The following DLC1 variants were observed in gnomAD, a reference collection of about 807,000 sequenced individuals.
DLC1 encodes DLC1 Rho GTPase activating protein.
In DLC1, 54 loss-of-function variants were observed where a neutral mutation model predicts 140.3. The observed-to-expected ratio is 0.38, with a 90% confidence interval of 0.31 to 0.48. The LOEUF is 0.48. Ranked by LOEUF, DLC1 falls within the 20% of genes least tolerant of loss-of-function variation. The pLI is 0.96. For synonymous variants in DLC1, 986 were observed against 728.1 expected (o/e 1.35, Z -5.70); for missense variants, 2,536 against 1,907.0 (o/e 1.33, Z -6.14).
chr8:13,424,889 T>C (rs892506223), intron 2 of DLC1, among the ~76,000 whole-genome samples: 2 of 152,180 alleles, frequency 1.3e-5, no homozygotes, highest in African/African-American at 4.8e-5. Context: ...TGAAGCTACT[T>C]TGAGTATTTA....
chr8:13,531,852 G>GCTTA (rs1373751998), intron 1 of DLC1, among the ~76,000 whole-genome samples: 1 of 151,994 alleles, frequency 6.6e-6, no homozygotes, highest in African/African-American at 2.4e-5. Flanking sequence ...TTTTGGAAAG[G>GCTTA]CTTACCATAT....
chr8:13,332,333 A>G (rs1833624518), intron 4 of DLC1, among the ~76,000 whole-genome samples: 1 of 152,194 alleles, frequency 6.6e-6, no homozygotes, highest in African/African-American at 2.4e-5. Flanking sequence ...CCTGGTTTCA[A>G]GAAGTATACC....
intron 1 of DLC1, chr8:13,567,672 C>T (rs1014901100): frequency 6.4e-7 from 1 of 1,551,874 alleles, no homozygotes; most frequent in Non-Finnish European, 8.7e-7. Flanking sequence ...CATTTCTACT[C>T]CAAGAGAGAA....
intron 4 of DLC1, among the ~76,000 whole-genome samples, chr8:13,359,370 A>G (rs1198531876): frequency 1.3e-5 from 2 of 152,192 alleles, no homozygotes; most frequent in Admixed American, 6.5e-5. Context: ...CGCTCAGGTA[A>G]TGCTATACAA....
At chr8:13,132,205 C>CTG (rs147699066) in intron 5 of DLC1, among the ~76,000 whole-genome samples, 20,258 of 139,042 alleles carry the variant, frequency 0.15, 1,562 homozygotes, top group African/African-American at 0.18. Flanking sequence ...AAAACCAAAA[C>CTG]TGTGTGTGTG....
At chr8:13,381,185 C>T (rs917353871) in intron 4 of DLC1, among the ~76,000 whole-genome samples, 5 of 152,102 alleles carry the variant, frequency 3.3e-5, no homozygotes, top group African/African-American at 1.2e-4. Flanking sequence ...ACTGGCAGTG[C>T]TTGTGTTTCT....
intron 1 of DLC1, among the ~76,000 whole-genome samples, chr8:13,577,063 G>A (rs113558766): frequency 6.6e-5 from 10 of 152,228 alleles, no homozygotes; most frequent in East Asian, 1.9e-4. Flanking sequence ...CAGGTGGGAC[G>A]ATGGCGTTAA....
intron 2 of DLC1, among the ~76,000 whole-genome samples, chr8:13,470,963 C>T (rs1800179023): frequency 6.6e-6 from 1 of 151,974 alleles, no homozygotes; most frequent in South Asian, 2.1e-4. Context: ...ATTATTTAGC[C>T]AAAAATAGAA....
chr8:13,383,075 C>G (rs146143206), intron 4 of DLC1, among the ~76,000 whole-genome samples: 271 of 152,264 alleles, frequency 1.8e-3, no homozygotes, highest in African/African-American at 5.8e-3. Flanking sequence ...GTATCACAGT[C>G]AGAAAACAAG....
chr8:13,355,111 C>A (rs541226763), intron 4 of DLC1, among the ~76,000 whole-genome samples: 1 of 46,704 alleles, frequency 2.1e-5, no homozygotes, highest in Non-Finnish European at 5.0e-5. Flanking sequence ...ACAATATATA[C>A]CATAAAGAAT....
At chr8:13,208,745 GACACACAC>G (rs56989279) in intron 5 of DLC1, among the ~76,000 whole-genome samples, 5,519 of 147,866 alleles carry the variant, frequency 0.037, 327 homozygotes, top group African/African-American at 0.13. Flanking sequence ...CATACACACA[GACACACAC>G]ACACACACAC....
chr8:13,217,744 A>G (rs956195957), intron 5 of DLC1, among the ~76,000 whole-genome samples: 25 of 151,938 alleles, frequency 1.6e-4, no homozygotes, highest in Non-Finnish European at 5.9e-5. Context: ...AGGCTGAGGC[A>G]GGAGAATTGC....
intron 1 of DLC1, chr8:13,567,238 T>A (rs1452945561): frequency 6.4e-7 from 1 of 1,551,472 alleles, no homozygotes; most frequent in East Asian, 2.4e-5. Flanking sequence ...TGAAAAGAAG[T>A]TGAGTAAAAA....
chr8:13,190,681 A>T (rs1223549120), intron 5 of DLC1, among the ~76,000 whole-genome samples: 2 of 152,160 alleles, frequency 1.3e-5, no homozygotes, highest in African/African-American at 4.8e-5. Flanking sequence ...GCAGATCAGA[A>T]GCTGTGGGCT....
At chr8:13,400,279 G>A (rs894552310) in intron 3 of DLC1, among the ~76,000 whole-genome samples, 2 of 152,106 alleles carry the variant, frequency 1.3e-5, no homozygotes, top group African/African-American at 2.4e-5. Flanking sequence ...CTCTGTGCTT[G>A]ATCCGTGCGG....
intron 4 of DLC1, among the ~76,000 whole-genome samples, chr8:13,307,065 C>CAG (rs1832467818): frequency 1.9e-5 from 2 of 105,228 alleles, no homozygotes; most frequent in Non-Finnish European, 3.4e-5. Context: ...TCCAGGGTGA[C>CAG]AGAGAGAGAC....
chr8:13,200,596 T>C (rs983244729), intron 5 of DLC1, among the ~76,000 whole-genome samples: 44 of 152,046 alleles, frequency 2.9e-4, no homozygotes, highest in Non-Finnish European at 2.9e-5. Context: ...TTGTTGTTGT[T>C]GTTGTGTGTG....
At chr8:13,401,227 C>A (rs1221410149) in intron 3 of DLC1, among the ~76,000 whole-genome samples, 2 of 152,178 alleles carry the variant, frequency 1.3e-5, no homozygotes, top group African/African-American at 4.8e-5. Flanking sequence ...AGGTGACTTT[C>A]CTTCCTGTTT....
In DLC1 at chr8:13,600,618, A is replaced by T. The variant is rs147967353; in HGVS notation, c.-126+3919T>A. Among the ~76,000 whole-genome samples, 773 of 151,918 alleles carry T rather than the reference A, an allele frequency of 5.1e-3. 9 individuals carry two copies. The highest frequency in any genetic ancestry group is 0.017 in the African/African-American group (696 of 41,504). On this transcript the variant is annotated intron_variant, in intron 1 of 1. Coordinates refer to the DLC1 transcript ENST00000631382. ...TGGCAATGTAAAAATAGATCATTGC[A>T]CTCCTGTACATGACTATTTTCTCTC...
Sources: gnomAD v4.1 joint callset for allele counts (sites outside exome capture counted in the v4.1 genomes callset) on GRCh38, gnomAD v4.1.1 for gene constraint, MANE v1.5 for transcripts, NCBI Gene and HGNC (gene_info 2026-07-23, HGNC 2026-07-21) for gene names.